The following CD99 variants were observed in gnomAD, a reference collection of about 807,000 sequenced individuals.
CD99 encodes the protein CD99 molecule (Xg blood group).
CD99 carries 19 observed loss-of-function variants against 28.4 expected under a neutral mutation model. That is an observed-to-expected ratio of 0.67 (90% confidence interval 0.47 to 0.98). CD99 has a LOEUF of 0.98. Among genes scored for constraint, CD99 ranks in the 50% least tolerant of loss-of-function variants. The pLI, the probability that CD99 is intolerant of heterozygous loss-of-function variation, is 0.00. For synonymous variants in CD99, 103 were observed against 92.1 expected (o/e 1.12, Z -0.67); for missense variants, 283 against 248.8 (o/e 1.14, Z -0.92).
chrX:2,716,178 C>T (rs1452793225), intron 2 of CD99, among the ~76,000 whole-genome samples: 6 of 152,030 alleles, frequency 3.9e-5, no homozygotes, highest in African/African-American at 1.4e-4. Flanking sequence ...ACCACCATGC[C>T]TAGCTAGTTT....
intron 8 of CD99, among the ~76,000 whole-genome samples, chrX:2,732,606 T>G (rs2049688983): frequency 6.7e-6 from 1 of 149,896 alleles, no homozygotes; most frequent in East Asian, 2.2e-4. Flanking sequence ...CCCTCTTTCT[T>G]CCTCCCTCCC....
At chrX:2,716,104 T>C (rs987912563) in intron 2 of CD99, among the ~76,000 whole-genome samples, 37 of 151,486 alleles carry the variant, frequency 2.4e-4, no homozygotes, top group South Asian at 1.5e-3. Context: ...CTGCAACCTC[T>C]GCCTCCCGGG....
intron 8 of CD99, among the ~76,000 whole-genome samples, chrX:2,736,923 G>GA (rs952144636): frequency 6.6e-6 from 1 of 151,534 alleles, no homozygotes; most frequent in African/African-American, 2.4e-5. Flanking sequence ...ACAAGACTGG[G>GA]AAAAAATGCT....
chrX:2,738,402 G>T, intron 9 of CD99, 146 bp downstream of exon 9: 1 of 769,444 alleles, frequency 1.3e-6, no homozygotes, highest in Admixed American at 2.1e-5. Context: ...TCGTTGCTTT[G>T]GAGGGATACT....
At chrX:2,709,358 GGT>G (rs1465999360) in intron 1 of CD99, among the ~76,000 whole-genome samples, 1 of 152,134 alleles carries the variant, frequency 6.6e-6, no homozygotes, top group East Asian at 1.9e-4. Flanking sequence ...CATGCACACA[GGT>G]GTGTGCTCAG....
chrX:2,691,749 T>A, intron 1 of CD99: 1 of 742,112 alleles, frequency 1.3e-6, no homozygotes, highest in Non-Finnish European at 2.5e-6. Context: ...TCTCTCCCTT[T>A]GCATGAGCCC....
At chrX:2,739,173 A>C (rs2050086791) in intron 9 of CD99, among the ~76,000 whole-genome samples, 2 of 152,092 alleles carry the variant, frequency 1.3e-5, no homozygotes, top group South Asian at 2.1e-4. Flanking sequence ...CCAGCCTGCT[A>C]TCACCTTCTA....
At chrX:2,716,654 A>G (rs1159367001) in intron 2 of CD99, among the ~76,000 whole-genome samples, 1 of 152,236 alleles carries the variant, frequency 6.6e-6, no homozygotes, top group Non-Finnish European at 1.5e-5. Flanking sequence ...GACACGAGCC[A>G]CTGCACCTCG....
At chrX:2,699,822 T>C (rs551806532) in intron 1 of CD99, among the ~76,000 whole-genome samples, 3 of 152,340 alleles carry the variant, frequency 2.0e-5, no homozygotes, top group African/African-American at 7.2e-5. Flanking sequence ...AGAATCATTG[T>C]TATTTTACTA....
At chrX:2,694,194 A>C (rs2047464475) in intron 1 of CD99, among the ~76,000 whole-genome samples, 1 of 151,968 alleles carries the variant, frequency 6.6e-6, no homozygotes, top group Admixed American at 6.5e-5. Context: ...AAAAACTCCA[A>C]ACATCTACGG....
chrX:2,718,403 C>T (rs1235199163), intron 3 of CD99, among the ~76,000 whole-genome samples: 1 of 145,722 alleles, frequency 6.9e-6, no homozygotes, highest in African/African-American at 2.5e-5. Context: ...GAGTCTCGCT[C>T]TGTCGCCCAG....
intron 8 of CD99, chrX:2,733,347 T>C: frequency 6.3e-7 from 1 of 1,584,628 alleles, no homozygotes; most frequent in East Asian, 2.3e-5. Context: ...TTTTCAACCT[T>C]CCATTTCAGA....
chrX:2,691,491 C>G, intron 1 of CD99, 64 bp downstream of exon 1: 1 of 1,512,508 alleles, frequency 6.6e-7, no homozygotes, highest in Non-Finnish European at 8.9e-7. Flanking sequence ...TGGGGATCCG[C>G]TTGAGATGCG....
Position 2,740,899 on chromosome X carries a change from T to C in CD99, c.*95T>C. ...AAGGACACCTGCCTGAGAGCAGAGA[T>C]GGAGGCCTTCTGTTCACGGCGGATT... On this transcript the variant is annotated 3_prime_UTR_variant, in exon 10 of 10. Coordinates refer to ENST00000381192, the MANE Select transcript of CD99 (RefSeq NM_002414.5). The C allele has an allele frequency of 6.8e-6, 9 of 1,316,936 alleles. No individual in the cohort carries two copies. The highest frequency in any genetic ancestry group is 9.9e-6 in the Non-Finnish European group (9 of 909,170). 81.6% of individuals were successfully genotyped at this position (1,316,936 alleles called of 1,614,324 possible). A position where few individuals can be genotyped will look rare whatever the true frequency, so the allele number is the denominator to read the frequency against.
chrX:2,715,792 G>C (rs28787592), intron 2 of CD99, among the ~76,000 whole-genome samples: 73,007 of 151,778 alleles, frequency 0.48, 17,936 homozygotes, highest in African/African-American at 0.58. Context: ...CTGCATCACT[G>C]TAGGCTCTGC....
intron 1 of CD99, among the ~76,000 whole-genome samples, chrX:2,709,488 C>T (rs1264237368): frequency 3.3e-5 from 5 of 152,240 alleles, no homozygotes; most frequent in Non-Finnish European, 7.3e-5. Context: ...AACAGGTGTG[C>T]ATTCAGCACA....
At chrX:2,702,722 T>A (rs1329851742) in intron 1 of CD99, among the ~76,000 whole-genome samples, 4 of 152,208 alleles carry the variant, frequency 2.6e-5, no homozygotes, top group Admixed American at 2.6e-4. Context: ...TTACCCTTTA[T>A]GTTCTTCTCC....
intron 6 of CD99, among the ~76,000 whole-genome samples, chrX:2,722,975 T>A (rs1250739049): frequency 6.6e-6 from 1 of 152,234 alleles, no homozygotes; most frequent in African/African-American, 2.4e-5. Context: ...TCCGTTCACC[T>A]GTGTGTTCTT....
intron 1 of CD99, among the ~76,000 whole-genome samples, chrX:2,696,448 T>C (rs1318373890): frequency 6.6e-6 from 1 of 152,196 alleles, no homozygotes; most frequent in Non-Finnish European, 1.5e-5. Context: ...TTCCCCAGGC[T>C]GGAGTGCGAT....
Sources: allele counts gnomAD v4.1 joint callset (sites outside exome capture counted in the v4.1 genomes callset), GRCh38; gene constraint gnomAD v4.1.1; transcripts MANE v1.5; gene names NCBI Gene and HGNC (gene_info 2026-07-23, HGNC 2026-07-21).